CSN1S1: variants seen among roughly 807,000 people sequenced by gnomAD.
The protein encoded by CSN1S1 is casein alpha s1, also known as alpha-S1-casein.
A neutral mutation model predicts 49.1 loss-of-function variants in CSN1S1; 63 were observed. The observed-to-expected ratio is 1.28, with a 90% CI of 1.05 to 1.58. The LOEUF (loss-of-function observed/expected upper bound fraction) is 1.58. CSN1S1 is among the 40% of genes most tolerant of loss of function. The probability of loss-of-function intolerance (pLI) is 0.00; values close to 1 mark genes in which losing one functional copy is unlikely to be tolerated. For missense variants in CSN1S1, 260 were observed against 224.7 expected, an observed-to-expected ratio of 1.16 and a Z score of -1.01; for synonymous variants, 78 against 67.1, an observed-to-expected ratio of 1.16 and a Z score of -0.79.
intron 14 of CSN1S1, 79 bp downstream of exon 14, chr4:69,942,656 C>A: frequency 1.8e-6 from 2 of 1,105,502 alleles, no homozygotes; most frequent in Non-Finnish European, 2.6e-6. Flanking sequence ...TAGCCCCCTA[C>A]TCTTGAAGAG....
chr4:69,932,041 T>A (rs1722623867), intron 1 of CSN1S1, among the ~76,000 whole-genome samples: 1 of 151,886 alleles, frequency 6.6e-6, no homozygotes, highest in Non-Finnish European at 1.5e-5. Context: ...GGATTTTTCA[T>A]GAAGACTCTA....
At chr4:69,938,519 C>A (rs1022915247) in intron 9 of CSN1S1, among the ~76,000 whole-genome samples, 2 of 151,554 alleles carry the variant, frequency 1.3e-5, no homozygotes, top group Non-Finnish European at 3.0e-5. Flanking sequence ...ACCTACTCTA[C>A]AATTATATTT....
chr4:69,946,176 A>T lies in CSN1S1; in HGVS notation c.*-20A>T. 1 of 530,776 alleles carries T rather than the reference A, an allele frequency of 1.9e-6. No individual in the cohort carries two copies. Among genetic ancestry groups the T allele is most frequent in the East Asian group, 3.2e-5 (1 of 31,698 alleles). 32.9% of individuals were successfully genotyped at this position (530,776 alleles called of 1,614,324 possible). On this transcript the variant is annotated intron_variant, in intron 15 of 15. Coordinates refer to ENST00000246891, the MANE Select transcript of CSN1S1 (RefSeq NM_001890.2). ...AAATATTTAATATAACTCACCACAT[A>T]TTTCTATTTCTATTTACAGATATGA...
At chr4:69,934,757 T>C in intron 4 of CSN1S1, 47 bp downstream of exon 4, 1 of 1,553,382 alleles carries the variant, frequency 6.4e-7, no homozygotes, top group South Asian at 1.1e-5. Flanking sequence ...CCTTTTGCTC[T>C]CTTTCAGTTA....
At chr4:69,939,737 C>A (rs1338361037) in intron 10 of CSN1S1, among the ~76,000 whole-genome samples, 1 of 151,658 alleles carries the variant, frequency 6.6e-6, no homozygotes, top group Non-Finnish European at 1.5e-5. Flanking sequence ...AAAATAAAAC[C>A]AACTCACTTA....
intron 15 of CSN1S1, 97 bp downstream of exon 15, chr4:69,945,101 A>G: frequency 1.5e-6 from 2 of 1,321,426 alleles, no homozygotes; most frequent in Non-Finnish European, 2.1e-6. Context: ...TAGATTAAAC[A>G]TGGCAAATCA....
In CSN1S1 at chr4:69,934,192, T is replaced by C; in HGVS notation, c.52-20T>C. 1.3e-6 allele frequency: 2 copies of C among 1,597,132 alleles called. No individual in the cohort carries two copies. The highest frequency in any genetic ancestry group is 1.7e-6 in the Non-Finnish European group (2 of 1,165,882). On this transcript the variant is annotated intron_variant, in intron 2 of 15. Coordinates refer to ENST00000246891, the MANE Select transcript of CSN1S1 (RefSeq NM_001890.2). ...TTTTAGTTACTTTTTGTTTTACAATTCTTGCATTGTTTTTCACAGAAACTT... is the reference window on the plus strand; with the variant it reads ...TTTTAGTTACTTTTTGTTTTACAATCCTTGCATTGTTTTTCACAGAAACTT...
chr4:69,946,337 A>T lies in CSN1S1; in HGVS notation c.*141A>T. 1 of 322,904 alleles carries T rather than the reference A, an allele frequency of 3.1e-6. No homozygotes were observed. Among genetic ancestry groups the T allele is most frequent in the South Asian group, 1.2e-4 (1 of 8,324 alleles). The allele number at this position is 322,904 out of a possible 1,614,324, so 20.0% of individuals were successfully genotyped here. A position where few individuals can be genotyped will look rare whatever the true frequency, so the allele number is the denominator to read the frequency against. ...TGAGTTATCTACTTAATAGCATATC[A>T]TTCTTTTTCTTAAGCTAAATTTTCC... On this transcript the variant is annotated 3_prime_UTR_variant, in exon 16 of 16. Transcript: ENST00000246891.
intron 2 of CSN1S1, among the ~76,000 whole-genome samples, chr4:69,933,790 C>T (rs1276168096): frequency 2.0e-5 from 3 of 151,792 alleles, no homozygotes; most frequent in South Asian, 2.1e-4. Context: ...ACCCAGAAAG[C>T]GTTTGAATTA....
Position 69,936,613 on chromosome 4 carries a change from A to G in CSN1S1, c.195+6A>G, listed in dbSNP as rs1216098281. 1.9e-6 allele frequency: 3 copies of G among 1,600,898 alleles called. No homozygotes were observed. Among genetic ancestry groups the G allele is most frequent in the East Asian group, 4.5e-5 (2 of 44,558 alleles). On this transcript the variant is annotated splice_donor_region_variant and intron_variant, in intron 7 of 15. Coordinates refer to ENST00000246891, the MANE Select transcript of CSN1S1 (RefSeq NM_001890.2). ...AACAGACTGATGAAATCAAGGTACC[A>G]AAGTTTTTCTTGAAAGAGTATGGCA...
At chr4:69,938,792 G>T (rs1052925850) in intron 9 of CSN1S1, among the ~76,000 whole-genome samples, 2 of 151,542 alleles carry the variant, frequency 1.3e-5, no homozygotes, top group African/African-American at 4.8e-5. Context: ...GAAGCCCCAA[G>T]GACAGATGAG....
chr4:69,933,924 G>A (rs964296569), intron 2 of CSN1S1, among the ~76,000 whole-genome samples: 1 of 151,670 alleles, frequency 6.6e-6, no homozygotes, highest in Non-Finnish European at 1.5e-5. Context: ...AACTAACCCA[G>A]AATTTTTACT....
chr4:69,942,051 T>C lies in CSN1S1; in HGVS notation c.348T>C (p.Ala116=). The change falls in exon 13 of 16, where the codon GCT becomes GCC. Residue 116 remains alanine, a synonymous_variant. Coordinates refer to ENST00000246891, the MANE Select transcript of CSN1S1 (RefSeq NM_001890.2). ...LNEYNQLQLQ[A]AHAQEQIRRM... ...GAATGTTTTCTCCTCCCTAGCAAGC[T>C]GCCCATGCCCAGGTGAGATTATTTA... 1 of 1,472,240 alleles carries C rather than the reference T, an allele frequency of 6.8e-7. No homozygotes were observed. Among genetic ancestry groups the C allele is most frequent in the African/African-American group, 1.4e-5 (1 of 71,786 alleles). 91.2% of individuals were successfully genotyped at this position (1,472,240 alleles called of 1,614,324 possible).
At chr4:69,933,363 A>G (rs1722669586) in intron 2 of CSN1S1, among the ~76,000 whole-genome samples, 1 of 152,002 alleles carries the variant, frequency 6.6e-6, no homozygotes, top group African/African-American at 2.4e-5. Flanking sequence ...GGACACTGAA[A>G]TTATCTCATA....
chr4:69,944,540 T>C (rs1723088469), intron 14 of CSN1S1, among the ~76,000 whole-genome samples: 1 of 152,010 alleles, frequency 6.6e-6, no homozygotes, highest in African/African-American at 2.4e-5. Context: ...TGTATGCTAC[T>C]ACTCTCTTCT....
At chr4:69,940,091 T>C in intron 11 of CSN1S1, 47 bp downstream of exon 11, 1 of 921,558 alleles carries the variant, frequency 1.1e-6, no homozygotes, top group Non-Finnish European at 1.6e-6. Context: ...TTTTCCAGGA[T>C]AATTAAAATG....
At chr4:69,942,403 C>A in intron 13 of CSN1S1, 133 bp from the exon 14 acceptor site, 2 of 767,238 alleles carry the variant, frequency 2.6e-6, no homozygotes, top group Non-Finnish European at 4.2e-6. Flanking sequence ...ACATTTTTTG[C>A]TAACTGTGGC....
chr4:69,943,731 C>CTAGG (rs1385680294), intron 14 of CSN1S1, among the ~76,000 whole-genome samples: 3 of 151,958 alleles, frequency 2.0e-5, no homozygotes, highest in Non-Finnish European at 4.4e-5. Context: ...ATCTGTCAAG[C>CTAGG]TAGGGCCTTC....
intron 8 of CSN1S1, 63 bp downstream of exon 8, chr4:69,937,207 C>A: frequency 2.7e-6 from 3 of 1,112,640 alleles, no homozygotes; most frequent in South Asian, 1.6e-5. Flanking sequence ...ACATATTTCC[C>A]CAAATAAATT....
Sources: gnomAD v4.1 joint callset for allele counts (sites outside exome capture counted in the v4.1 genomes callset) on GRCh38, gnomAD v4.1.1 for gene constraint, MANE v1.5 for transcripts, NCBI Gene and HGNC (gene_info 2026-07-23, HGNC 2026-07-21) for gene names.